KCND2: variants seen among roughly 807,000 people sequenced by gnomAD.
KCND2 encodes the protein potassium voltage-gated channel subfamily D member 2.
A neutral mutation model predicts 54.4 loss-of-function variants in KCND2; 16 were observed. The observed-to-expected ratio is 0.29, with a 90% CI of 0.20 to 0.45. The LOEUF (loss-of-function observed/expected upper bound fraction) is 0.45, where lower values mean the gene tolerates loss of function less well. Among genes scored for constraint, KCND2 ranks in the 20% least tolerant of loss-of-function variants. KCND2 has a pLI of 1.00. For synonymous variants in KCND2, 317 were observed against 310.7 expected (o/e 1.02, Z -0.21); for missense variants, 486 against 824.2 (o/e 0.59, Z 5.02).
chr7:120,643,547 TG>T (rs1489231762), intron 1 of KCND2, among the ~76,000 whole-genome samples: 1 of 152,098 alleles, frequency 6.6e-6, no homozygotes, highest in Non-Finnish European at 1.5e-5. Flanking sequence ...GTAAATGACG[TG>T]CTATTTATTT....
chr7:120,651,372 G>T (rs1436393513), intron 1 of KCND2, among the ~76,000 whole-genome samples: 1 of 152,120 alleles, frequency 6.6e-6, no homozygotes, highest in African/African-American at 2.4e-5. Flanking sequence ...AGACTGCTGT[G>T]CCAGCAATGA....
chr7:120,391,221 TC>T (rs1336533059), intron 1 of KCND2, among the ~76,000 whole-genome samples: 4 of 152,226 alleles, frequency 2.6e-5, no homozygotes, highest in African/African-American at 9.6e-5. Flanking sequence ...TCCAGCTTCT[TC>T]CATGTCCGTG....
chr7:120,708,562 C>T (rs1309851338), intron 1 of KCND2, among the ~76,000 whole-genome samples: 1 of 152,032 alleles, frequency 6.6e-6, no homozygotes, highest in Non-Finnish European at 1.5e-5. Context: ...ATTATGTATT[C>T]ACTTTTTACT....
chr7:120,594,889 G>A (rs35119902), intron 1 of KCND2, among the ~76,000 whole-genome samples: 8,936 of 151,902 alleles, frequency 0.059, 360 homozygotes, highest in Middle Eastern at 0.1. Context: ...GCATGGTAGC[G>A]TGTGCCTCTA....
chr7:120,276,001 T>C (rs1318606129), intron 1 of KCND2, among the ~76,000 whole-genome samples: 1 of 152,100 alleles, frequency 6.6e-6, no homozygotes, highest in Non-Finnish European at 1.5e-5. Flanking sequence ...TTAGAATTCC[T>C]GAATATATGA....
chr7:120,415,719 A>G (rs1164507430), intron 1 of KCND2, among the ~76,000 whole-genome samples: 2 of 152,224 alleles, frequency 1.3e-5, no homozygotes, highest in African/African-American at 2.4e-5. Context: ...CATTCATGCC[A>G]GTGACCCATG....
intron 1 of KCND2, among the ~76,000 whole-genome samples, chr7:120,539,499 C>G (rs1285089772): frequency 3.3e-5 from 5 of 152,198 alleles, no homozygotes; most frequent in African/African-American, 9.7e-5. Context: ...ACGGAAGGAA[C>G]ACTGAAAAAC....
chr7:120,380,588 A>G (rs1800904086), intron 1 of KCND2, among the ~76,000 whole-genome samples: 1 of 152,032 alleles, frequency 6.6e-6, no homozygotes, highest in Non-Finnish European at 1.5e-5. Context: ...TAATAAACCT[A>G]ATTTCTTTTT....
chr7:120,407,841 C>T (rs1369570588), intron 1 of KCND2, among the ~76,000 whole-genome samples: 1 of 151,698 alleles, frequency 6.6e-6, no homozygotes, highest in Non-Finnish European at 1.5e-5. Flanking sequence ...ATTTCTCAAA[C>T]ATACTATATG....
chr7:120,725,172 A>G (rs1045156987), intron 1 of KCND2, among the ~76,000 whole-genome samples: 4 of 152,174 alleles, frequency 2.6e-5, no homozygotes, highest in African/African-American at 9.7e-5. Context: ...GGTTTACTGT[A>G]TAAATGTTGA....
chr7:120,397,997 A>G (rs7809217), intron 1 of KCND2, among the ~76,000 whole-genome samples: 370 of 8,154 alleles, frequency 0.045, 4 homozygotes, highest in South Asian at 0.34. Context: ...GTGTGTGTGT[A>G]TATATATATA....
intron 1 of KCND2, among the ~76,000 whole-genome samples, chr7:120,467,219 C>T (rs1802383501): frequency 6.6e-6 from 1 of 152,000 alleles, no homozygotes; most frequent in South Asian, 2.1e-4. Context: ...AGGTCAGAGA[C>T]ATAGGTTAGA....
At chr7:120,308,854 C>G (rs1257602253) in intron 1 of KCND2, among the ~76,000 whole-genome samples, 1 of 152,094 alleles carries the variant, frequency 6.6e-6, no homozygotes, top group Non-Finnish European at 1.5e-5. Context: ...TCTTGTTTAA[C>G]AAATTAACTT....
At chr7:120,438,833 T>A (rs73433896) in intron 1 of KCND2, among the ~76,000 whole-genome samples, 1,846 of 152,268 alleles carry the variant, frequency 0.012, 42 homozygotes, top group African/African-American at 0.042. Context: ...TTTCTTTTCA[T>A]TTTCAATTCG....
chr7:120,416,607 G>C (rs574871043), intron 1 of KCND2, among the ~76,000 whole-genome samples: 1 of 152,094 alleles, frequency 6.6e-6, no homozygotes, highest in South Asian at 2.1e-4. Flanking sequence ...GCCTGACCCA[G>C]TGTATTGCTC....
intron 2 of KCND2, among the ~76,000 whole-genome samples, chr7:120,737,487 C>T (rs1330312242): frequency 6.6e-6 from 1 of 151,954 alleles, no homozygotes; most frequent in African/African-American, 2.4e-5. Context: ...TCCACTAACC[C>T]AAATCCCAGC....
chr7:120,677,191 T>G (rs76152661), intron 1 of KCND2, among the ~76,000 whole-genome samples: 1 of 152,144 alleles, frequency 6.6e-6, no homozygotes, highest in Admixed American at 6.6e-5. Flanking sequence ...GTAAAGGACC[T>G]GCTAGAATTT....
At chr7:120,371,821 A>G (rs1487443590) in intron 1 of KCND2, among the ~76,000 whole-genome samples, 1 of 151,980 alleles carries the variant, frequency 6.6e-6, no homozygotes, top group Admixed American at 6.6e-5. Flanking sequence ...CATACAGCCT[A>G]GGTGTCTAGT....
chr7:120,482,180 T>C (rs1802616433), intron 1 of KCND2, among the ~76,000 whole-genome samples: 1 of 152,134 alleles, frequency 6.6e-6, no homozygotes, highest in Admixed American at 6.5e-5. Flanking sequence ...TCCTGTTGGG[T>C]TTTAGACATA....
Sources: allele counts gnomAD v4.1 joint callset (sites outside exome capture counted in the v4.1 genomes callset), GRCh38; gene constraint gnomAD v4.1.1; transcripts MANE v1.5; gene names NCBI Gene and HGNC (gene_info 2026-07-23, HGNC 2026-07-21).